Variants in CNTNAP5 observed in about 807,000 individuals in gnomAD.
The protein encoded by CNTNAP5 is contactin-associated protein-like 5.
CNTNAP5 carries 72 observed loss-of-function variants against 150.2 expected under a neutral mutation model. That is an observed-to-expected ratio of 0.48 (90% CI 0.40 to 0.58). The LOEUF (loss-of-function observed/expected upper bound fraction) is 0.58, where lower values mean the gene tolerates loss of function less well. Among genes scored for constraint, CNTNAP5 ranks in the 20% least tolerant of loss-of-function variants. The pLI is 0.00. For synonymous variants in CNTNAP5, 672 were observed against 619.8 expected (o/e 1.08, Z -1.25); for missense variants, 1,636 against 1,626.2 (o/e 1.01, Z -0.10).
At chr2:124,230,690 C>T (rs886513097) in intron 2 of CNTNAP5, among the ~76,000 whole-genome samples, 1 of 151,870 alleles carries the variant, frequency 6.6e-6, no homozygotes, top group African/African-American at 2.4e-5. Flanking sequence ...TGCCACTGTG[C>T]CCAGCTAATT....
chr2:124,740,697 G>A (rs963920015), intron 13 of CNTNAP5, among the ~76,000 whole-genome samples: 8 of 151,992 alleles, frequency 5.3e-5, no homozygotes, highest in Non-Finnish European at 1.2e-4. Flanking sequence ...AGTTATTATT[G>A]CAAAAATGCT....
intron 13 of CNTNAP5, among the ~76,000 whole-genome samples, chr2:124,691,877 T>C (rs1444193664): frequency 6.6e-6 from 1 of 152,104 alleles, no homozygotes; most frequent in African/African-American, 2.4e-5. Flanking sequence ...CTCTTCTTAT[T>C]AAGAGACAAA....
rs201774191 is a variant in CNTNAP5, at chr2:124,098,617, G to C, written c.82+72885G>C. Among the ~76,000 whole-genome samples, 18 of 152,086 alleles carry C rather than the reference G, an allele frequency of 1.2e-4. No individual in the cohort carries two copies. The East Asian group carries it at 1.5e-3, about 13-fold the overall frequency. ...CCCCCATTTTACAGATGAGGAAACTGAGGCACAGGTAAAAAAAATTCCAGG... is the reference window on the plus strand; with the variant it reads ...CCCCCATTTTACAGATGAGGAAACTCAGGCACAGGTAAAAAAAATTCCAGG... On this transcript the variant is annotated intron_variant, in intron 1 of 23. Transcript: ENST00000682447.
At chr2:124,272,247 T>C (rs1312402947) in intron 3 of CNTNAP5, among the ~76,000 whole-genome samples, 1 of 152,182 alleles carries the variant, frequency 6.6e-6, no homozygotes, top group Admixed American at 6.5e-5. Context: ...CAATTCCTGA[T>C]CTGGACTTCC....
chr2:124,766,332 G>A (rs889186469), intron 16 of CNTNAP5, among the ~76,000 whole-genome samples: 2 of 150,654 alleles, frequency 1.3e-5, no homozygotes, highest in Non-Finnish European at 2.9e-5. Context: ...GTGACTGCAT[G>A]AAATACCCTT....
intron 3 of CNTNAP5, among the ~76,000 whole-genome samples, chr2:124,376,358 T>G (rs1690649315): frequency 6.6e-6 from 1 of 152,118 alleles, no homozygotes; most frequent in African/African-American, 2.4e-5. Context: ...AGGAAGCAAT[T>G]ACTGGTTCAG....
intron 9 of CNTNAP5, among the ~76,000 whole-genome samples, chr2:124,526,830 C>A (rs775384329): frequency 6.6e-6 from 1 of 152,120 alleles, no homozygotes; most frequent in Non-Finnish European, 1.5e-5. Flanking sequence ...ATTAACCAGA[C>A]AATTACTCTG....
At chr2:124,712,631 C>T (rs893128021) in intron 13 of CNTNAP5, among the ~76,000 whole-genome samples, 2 of 152,114 alleles carry the variant, frequency 1.3e-5, no homozygotes, top group South Asian at 4.1e-4. Flanking sequence ...GCTGGGAAGT[C>T]CAAGATCAAG....
rs1292807394 is a variant in CNTNAP5, at chr2:124,573,950, G to T, written c.1756+10627G>T. 2.0e-5 allele frequency among the ~76,000 whole-genome samples: 3 copies of T among 152,114 alleles called. No individual in the cohort carries two copies. The East Asian group carries it at 5.8e-4, about 29-fold the overall frequency. On this transcript the variant is annotated intron_variant, in intron 11 of 23. Transcript: ENST00000682447. Reference sequence around the variant, plus strand: ...CAATATTTGAAATTTGGCATTTCCAGGTTAAATGGTATCTATTACATATAT... The same window carrying T: ...CAATATTTGAAATTTGGCATTTCCATGTTAAATGGTATCTATTACATATAT...
chr2:124,527,146 T>G (rs1316009054), intron 9 of CNTNAP5, 139 bp from the exon 10 acceptor site: 1 of 640,790 alleles, frequency 1.6e-6, no homozygotes, highest in African/African-American at 1.8e-5. Flanking sequence ...ATGCTAGGAT[T>G]TATAATGAAA....
chr2:124,707,716 C>G (rs553203348), intron 13 of CNTNAP5, among the ~76,000 whole-genome samples: 1 of 152,288 alleles, frequency 6.6e-6, no homozygotes, highest in Admixed American at 6.5e-5. Context: ...TAACACCTCT[C>G]TACCTCACTT....
intron 6 of CNTNAP5, among the ~76,000 whole-genome samples, chr2:124,466,295 A>T (rs1693377773): frequency 6.6e-6 from 1 of 152,096 alleles, no homozygotes; most frequent in South Asian, 2.1e-4. Flanking sequence ...TAGCCTTCAA[A>T]TATCCTATCC....
chr2:124,217,744 A>G (rs1334087988), intron 1 of CNTNAP5, among the ~76,000 whole-genome samples: 1 of 152,196 alleles, frequency 6.6e-6, no homozygotes. Context: ...TCTCAAATGT[A>G]GCAGATATTA....
chr2:124,578,156 C>CAAAAAAAAAAA (rs556786620), intron 11 of CNTNAP5, among the ~76,000 whole-genome samples: 48 of 69,284 alleles, frequency 6.9e-4, no homozygotes, highest in African/African-American at 7.8e-4. Flanking sequence ...ACTAAAAATA[C>CAAAAAAAAAAA]AAAAAAAAAA....
intron 12 of CNTNAP5, among the ~76,000 whole-genome samples, chr2:124,622,046 C>T (rs1677627371): frequency 6.6e-6 from 1 of 151,970 alleles, no homozygotes. Flanking sequence ...TGGTTTGCTG[C>T]ACAGATCACC....
intron 8 of CNTNAP5, among the ~76,000 whole-genome samples, chr2:124,510,502 T>TCC (rs1558933548): frequency 1.6e-5 from 1 of 63,832 alleles, no homozygotes; most frequent in African/African-American, 6.1e-5. Context: ...TATATATATA[T>TCC]ATATATATAT....
chr2:124,136,291 C>A lies in CNTNAP5; in HGVS notation c.83-85414C>A, dbSNP rs373184940. ...TCTCACTGCTGCAGCCATAGGGTAA[C>A]AAATATGAGAAGAATAACTAACAAT... On this transcript the variant is annotated intron_variant, in intron 1 of 23. Coordinates refer to ENST00000682447, the MANE Select transcript of CNTNAP5 (RefSeq NM_001367498.1). Among the ~76,000 whole-genome samples, 4 of 152,172 alleles carry A rather than the reference C, an allele frequency of 2.6e-5. No individual in the cohort carries two copies. The East Asian group carries it at 5.8e-4, about 22-fold the overall frequency.
At chr2:124,305,549 C>A (rs188638456) in intron 3 of CNTNAP5, among the ~76,000 whole-genome samples, 11 of 152,212 alleles carry the variant, frequency 7.2e-5, no homozygotes, top group Non-Finnish European at 1.3e-4. Context: ...TTGATTGTGT[C>A]CTTAAAGTTC....
At chr2:124,349,533 C>A (rs1036170514) in intron 3 of CNTNAP5, among the ~76,000 whole-genome samples, 2 of 152,106 alleles carry the variant, frequency 1.3e-5, no homozygotes, top group African/African-American at 4.8e-5. Context: ...CCAGTGCTTT[C>A]TTTTACATTG....
Sources: allele counts gnomAD v4.1 joint callset (sites outside exome capture counted in the v4.1 genomes callset), GRCh38; gene constraint gnomAD v4.1.1; transcripts MANE v1.5; gene names NCBI Gene and HGNC (gene_info 2026-07-23, HGNC 2026-07-21).